DCDC1: variants seen among roughly 807,000 people sequenced by gnomAD.
The protein encoded by DCDC1 is doublecortin domain-containing protein 1.
In DCDC1, 200 loss-of-function variants were observed where a neutral mutation model predicts 178.3. The ratio of observed to expected loss-of-function variants is 1.12; its 90% CI spans 1.00 to 1.26. DCDC1 has a LOEUF of 1.26. Ranked by LOEUF, DCDC1 falls within the 50% of genes most tolerant of loss-of-function variation. DCDC1 has a pLI of 0.00. For synonymous variants in DCDC1, 690 were observed against 604.8 expected, an observed-to-expected ratio of 1.14 and a Z score of -2.07; for missense variants, 1,983 against 1,749.2, an observed-to-expected ratio of 1.13 and a Z score of -2.38.
chr11:31,032,419 G>C (rs1006381680), intron 20 of DCDC1, among the ~76,000 whole-genome samples: 1 of 152,024 alleles, frequency 6.6e-6, no homozygotes, highest in Non-Finnish European at 1.5e-5. Context: ...TAAAAAGTTA[G>C]ACTGCTATGG....
intron 27 of DCDC1, among the ~76,000 whole-genome samples, chr11:30,911,975 G>C (rs1468321507): frequency 6.6e-6 from 1 of 152,176 alleles, no homozygotes; most frequent in Non-Finnish European, 1.5e-5. Flanking sequence ...TTAAGAAATG[G>C]AGTCTTTAAG....
chr11:31,096,870 A>T (rs1348371024), intron 15 of DCDC1, among the ~76,000 whole-genome samples: 1 of 152,142 alleles, frequency 6.6e-6, no homozygotes, highest in Admixed American at 6.5e-5. Flanking sequence ...AAGAAAAAAA[A>T]GTGCTCTGAC....
chr11:30,940,568 T>C (rs1947571449), intron 21 of DCDC1, among the ~76,000 whole-genome samples: 1 of 152,174 alleles, frequency 6.6e-6, no homozygotes, highest in Non-Finnish European at 1.5e-5. Context: ...GTGATTGGCT[T>C]TCTGTGTGAC....
At chr11:31,227,083 C>T (rs1975068796) in intron 9 of DCDC1, among the ~76,000 whole-genome samples, 3 of 152,104 alleles carry the variant, frequency 2.0e-5, no homozygotes, top group Non-Finnish European at 4.4e-5. Context: ...TACACATACA[C>T]TCATGCATAC....
chr11:31,063,237 T>G (rs1009042880), intron 20 of DCDC1, among the ~76,000 whole-genome samples: 10 of 151,970 alleles, frequency 6.6e-5, no homozygotes, highest in African/African-American at 2.2e-4. Context: ...ATAAGAACAC[T>G]TTTACACTGC....
chr11:31,102,825 T>C (rs558808773), intron 14 of DCDC1, among the ~76,000 whole-genome samples: 2 of 152,280 alleles, frequency 1.3e-5, no homozygotes, highest in South Asian at 4.1e-4. Flanking sequence ...AAAGTGTGTG[T>C]CCATCATCAC....
chr11:30,909,602 C>G lies in DCDC1; in HGVS notation c.3748-486G>C, dbSNP rs370467949. Among the ~76,000 whole-genome samples the G allele has an allele frequency of 7.2e-5, 11 of 152,032 alleles. No homozygotes were observed. The East Asian group carries it at 1.9e-3, about 27-fold the overall frequency. ...TTAAAGATTATGATATATCAAAATGCCTTCTAGAGAAATTATTTTACCTTG... is the reference window on the plus strand; with the variant it reads ...TTAAAGATTATGATATATCAAAATGGCTTCTAGAGAAATTATTTTACCTTG... On this transcript the variant is annotated intron_variant, in intron 28 of 38. Transcript: ENST00000684477.
chr11:31,298,163 G>T (rs989699129), intron 6 of DCDC1, among the ~76,000 whole-genome samples: 2 of 152,096 alleles, frequency 1.3e-5, no homozygotes, highest in African/African-American at 4.8e-5. Flanking sequence ...TTCTCCTTTG[G>T]AATGTTCTTG....
chr11:31,349,091 T>TACA (rs1950951885), intron 1 of DCDC1, among the ~76,000 whole-genome samples: 1 of 152,180 alleles, frequency 6.6e-6, no homozygotes, highest in Non-Finnish European at 1.5e-5. Flanking sequence ...TGTTTCCTGT[T>TACA]GGAATTTCAG....
chr11:31,321,451 G>C (rs927148053), intron 3 of DCDC1, among the ~76,000 whole-genome samples: 1 of 151,660 alleles, frequency 6.6e-6, no homozygotes, highest in African/African-American at 2.4e-5. Context: ...CTTTGACTTG[G>C]AAAGGGAACT....
In DCDC1 at chr11:31,318,884, C is replaced by T. The variant is rs375258628; in HGVS notation, c.164+9233G>A. The stretch of plus-strand genomic sequence containing the variant: ...CTTTGTTCTCGTTGGTTTCAAAGAA[C>T]ATCTTTATTTCTGCCTTCATTTCGT... On this transcript the variant is annotated intron_variant, in intron 3 of 38. Coordinates refer to ENST00000684477, the MANE Select transcript of DCDC1 (RefSeq NM_001387274.1). Among the ~76,000 whole-genome samples, 2 of 60,040 alleles carry T rather than the reference C, an allele frequency of 3.3e-5. 1 individual carries two copies. 39.4% of individuals were successfully genotyped at this position (60,040 alleles called of 152,430 possible). A position where few individuals can be genotyped will look rare whatever the true frequency, so the allele number is the denominator to read the frequency against.
At chr11:30,897,031 A>G (rs546208717) in intron 34 of DCDC1, among the ~76,000 whole-genome samples, 14 of 152,250 alleles carry the variant, frequency 9.2e-5, no homozygotes, top group Non-Finnish European at 1.9e-4. Context: ...TAGGCCTTGC[A>G]GTTAACTAAG....
chr11:31,081,046 C>G (rs1217165944), intron 17 of DCDC1, among the ~76,000 whole-genome samples: 1 of 152,100 alleles, frequency 6.6e-6, no homozygotes, highest in South Asian at 2.1e-4. Flanking sequence ...AAAACTAATA[C>G]AACAGAAAAG....
At chr11:31,037,986 G>A (rs1306929956) in intron 20 of DCDC1, among the ~76,000 whole-genome samples, 1 of 146,898 alleles carries the variant, frequency 6.8e-6, no homozygotes. Context: ...AACATGCGGT[G>A]TTTGGTTTTT....
chr11:31,096,627 G>A (rs1359101696), intron 15 of DCDC1, among the ~76,000 whole-genome samples: 2 of 151,710 alleles, frequency 1.3e-5, no homozygotes, highest in African/African-American at 2.4e-5. Context: ...TATTTTGCTG[G>A]ACAGTTCCCA....
intron 20 of DCDC1, among the ~76,000 whole-genome samples, chr11:30,991,383 G>T (rs761859286): frequency 3.9e-5 from 6 of 152,320 alleles, no homozygotes; most frequent in African/African-American, 4.8e-5. Flanking sequence ...ACCAGGCTTA[G>T]TTGGGTATTC....
chr11:31,270,312 C>T (rs936860802), intron 7 of DCDC1, among the ~76,000 whole-genome samples: 1 of 152,158 alleles, frequency 6.6e-6, no homozygotes, highest in East Asian at 1.9e-4. Context: ...GTAAAACAGC[C>T]ACATTTGATC....
At chr11:31,052,548 C>T (rs752923009) in intron 20 of DCDC1, among the ~76,000 whole-genome samples, 26 of 152,114 alleles carry the variant, frequency 1.7e-4, no homozygotes, top group Non-Finnish European at 3.8e-4. Context: ...CCGTGGAATA[C>T]ACATTCCATT....
At chr11:31,120,974 G>C (rs1960709964) in intron 11 of DCDC1, among the ~76,000 whole-genome samples, 1 of 152,184 alleles carries the variant, frequency 6.6e-6, no homozygotes, top group South Asian at 2.1e-4. Flanking sequence ...AGAAGTCACT[G>C]AGCCATGGCT....
Sources: allele counts gnomAD v4.1 joint callset (sites outside exome capture counted in the v4.1 genomes callset), GRCh38; gene constraint gnomAD v4.1.1; transcripts MANE v1.5; gene names NCBI Gene and HGNC (gene_info 2026-07-23, HGNC 2026-07-21).